The following KYNU variants were observed in gnomAD, a reference collection of about 807,000 sequenced individuals.
KYNU encodes kynureninase.
KYNU carries 54 observed loss-of-function variants against 59.2 expected under a neutral mutation model. The observed-to-expected ratio is 0.91, with a 90% CI of 0.73 to 1.14. The LOEUF (loss-of-function observed/expected upper bound fraction) is 1.14. Ranked by LOEUF, KYNU falls within the 50% of genes most tolerant of loss-of-function variation. The probability of loss-of-function intolerance (pLI) is 0.00; values close to 1 mark genes in which losing one functional copy is unlikely to be tolerated. For missense variants in KYNU, 567 were observed against 554.4 expected, an observed-to-expected ratio of 1.02 and a Z score of -0.23; for synonymous variants, 177 against 192.0, an observed-to-expected ratio of 0.92 and a Z score of 0.65.
At chr2:143,039,818 G>A (rs897800447) in intron 12 of KYNU, among the ~76,000 whole-genome samples, 6 of 152,112 alleles carry the variant, frequency 3.9e-5, no homozygotes, top group Non-Finnish European at 8.8e-5. Flanking sequence ...TCCAGGTGCT[G>A]GAGTGATTAC....
At chr2:142,906,296 C>T (rs545626700) in intron 2 of KYNU, among the ~76,000 whole-genome samples, 2 of 152,332 alleles carry the variant, frequency 1.3e-5, no homozygotes, top group South Asian at 2.1e-4. Context: ...AGTTCTAAGG[C>T]CCTGGCCAAG....
intron 4 of KYNU, among the ~76,000 whole-genome samples, chr2:142,937,406 G>C (rs1398295856): frequency 6.6e-6 from 1 of 152,140 alleles, no homozygotes; most frequent in East Asian, 1.9e-4. Flanking sequence ...AACCTAAAGA[G>C]TCTGACATGA....
intron 12 of KYNU, among the ~76,000 whole-genome samples, chr2:143,039,449 A>C (rs1686973965): frequency 6.6e-6 from 1 of 152,152 alleles, no homozygotes; most frequent in African/African-American, 2.4e-5. Flanking sequence ...AAAAGCTTAC[A>C]TTGTATGATA....
At chr2:142,891,905 T>G (rs1283528231) in intron 2 of KYNU, among the ~76,000 whole-genome samples, 3 of 148,204 alleles carry the variant, frequency 2.0e-5, no homozygotes, top group African/African-American at 7.4e-5. Context: ...AGTTTAATTT[T>G]GTAGACATTG....
chr2:142,934,651 A>T (rs1207518899), intron 4 of KYNU, among the ~76,000 whole-genome samples: 2 of 152,170 alleles, frequency 1.3e-5, no homozygotes, highest in South Asian at 4.1e-4. Context: ...GGTATTAATT[A>T]AAAAACATAC....
chr2:142,991,428 A>G (rs540483653), intron 10 of KYNU, among the ~76,000 whole-genome samples: 4 of 151,954 alleles, frequency 2.6e-5, no homozygotes, highest in Admixed American at 2.0e-4. Context: ...ACCAGTACCA[A>G]TAGATTTCTC....
At chr2:142,988,088 T>A (rs1685274024) in intron 10 of KYNU, among the ~76,000 whole-genome samples, 1 of 151,786 alleles carries the variant, frequency 6.6e-6, no homozygotes, top group African/African-American at 2.4e-5. Context: ...CAGTTGTTTG[T>A]AGCAGTGAGA....
At chr2:142,990,972 G>T (rs1685383023) in intron 10 of KYNU, among the ~76,000 whole-genome samples, 1 of 151,806 alleles carries the variant, frequency 6.6e-6, no homozygotes, top group African/African-American at 2.4e-5. Flanking sequence ...AATAAGAGTT[G>T]TTACTATTTG....
chr2:142,940,921 A>AAAG (rs1683575919), intron 4 of KYNU, among the ~76,000 whole-genome samples: 1 of 152,240 alleles, frequency 6.6e-6, no homozygotes, highest in Admixed American at 6.5e-5. Context: ...AGTTTACTAT[A>AAAG]AAGATACAAC....
intron 2 of KYNU, among the ~76,000 whole-genome samples, chr2:142,915,334 T>A (rs1002628244): frequency 1.4e-4 from 22 of 152,114 alleles, no homozygotes; most frequent in South Asian, 2.1e-4. Context: ...GGACTAAGAT[T>A]TTCTTGCCTT....
At chr2:143,019,629 A>C (rs1037544151) in intron 10 of KYNU, among the ~76,000 whole-genome samples, 1 of 152,000 alleles carries the variant, frequency 6.6e-6, no homozygotes, top group Non-Finnish European at 1.5e-5. Context: ...TTCTGTTGCT[A>C]TGTCCTTGTC....
chr2:142,954,056 A>G (rs1684084252), intron 4 of KYNU: 1 of 152,170 alleles, frequency 6.6e-6, no homozygotes, highest in Admixed American at 6.5e-5. Context: ...ATAAGGACTC[A>G]AAACATGGAA....
intron 4 of KYNU, among the ~76,000 whole-genome samples, chr2:142,929,722 T>C (rs1007446182): frequency 6.6e-6 from 1 of 152,176 alleles, no homozygotes; most frequent in Non-Finnish European, 1.5e-5. Context: ...GATTTTCTGA[T>C]TGGCAATTTA....
chr2:142,980,223 A>C (rs1346347189), intron 8 of KYNU, among the ~76,000 whole-genome samples: 1 of 144,344 alleles, frequency 6.9e-6, no homozygotes, highest in Admixed American at 6.7e-5. Context: ...AATGCTAATA[A>C]TTAGCTTATA....
intron 8 of KYNU, among the ~76,000 whole-genome samples, chr2:142,973,777 TA>T (rs1196016583): frequency 1.3e-5 from 2 of 152,100 alleles, no homozygotes; most frequent in East Asian, 3.9e-4. Flanking sequence ...GCTCTGGGTT[TA>T]AAAAGAGACA....
intron 2 of KYNU, among the ~76,000 whole-genome samples, chr2:142,888,857 C>T (rs370231862): frequency 2.0e-5 from 3 of 148,886 alleles, no homozygotes; most frequent in Non-Finnish European, 4.4e-5. Context: ...CATACTTGAA[C>T]GTGTATCTAG....
At chr2:142,963,061 A>T (rs1286001237) in intron 8 of KYNU, among the ~76,000 whole-genome samples, 1 of 152,212 alleles carries the variant, frequency 6.6e-6, no homozygotes, top group Non-Finnish European at 1.5e-5. Flanking sequence ...TGATGGTGGG[A>T]TGGAGCAATG....
chr2:142,904,325 A>T (rs1284907929), intron 2 of KYNU, among the ~76,000 whole-genome samples: 1 of 152,154 alleles, frequency 6.6e-6, no homozygotes, highest in African/African-American at 2.4e-5. Flanking sequence ...TGTGGCACCA[A>T]TTCCATGTTC....
intron 11 of KYNU, among the ~76,000 whole-genome samples, chr2:143,033,021 C>G (rs1686802677): frequency 6.6e-6 from 1 of 152,088 alleles, no homozygotes; most frequent in Non-Finnish European, 1.5e-5. Flanking sequence ...TTCTGGTGTT[C>G]TGCTAAGAAG....
Sources: gnomAD v4.1 joint callset for allele counts (sites outside exome capture counted in the v4.1 genomes callset) on GRCh38, gnomAD v4.1.1 for gene constraint, MANE v1.5 for transcripts, NCBI Gene and HGNC (gene_info 2026-07-23, HGNC 2026-07-21) for gene names.